AFF2: variants seen among roughly 807,000 people sequenced by gnomAD.
AFF2 encodes ALF transcription elongation factor 2.
AFF2 carries 14 observed loss-of-function variants against 76.9 expected under a neutral mutation model. The observed-to-expected ratio is 0.18, with a 90% confidence interval of 0.12 to 0.28. The LOEUF (loss-of-function observed/expected upper bound fraction) is 0.28, where lower values mean the gene tolerates loss of function less well. Ranked by LOEUF, AFF2 falls within the 10% of genes least tolerant of loss-of-function variation. The pLI is 1.00. For missense variants in AFF2, 868 were observed against 1,001.1 expected (o/e 0.87, Z 1.79); for synonymous variants, 398 against 366.7 (o/e 1.09, Z -0.98).
At chrX:148,825,686 C>T (rs978837237) in intron 4 of AFF2, among the ~76,000 whole-genome samples, 11 of 106,588 alleles carry the variant, frequency 1.0e-4, no homozygotes, top group Non-Finnish European at 1.9e-4. Flanking sequence ...AGACCCTGCC[C>T]GGTTGGTTTT....
chrX:148,962,301 T>G (rs1176963686), intron 12 of AFF2, among the ~76,000 whole-genome samples: 5 of 112,554 alleles, frequency 4.4e-5, no homozygotes, highest in Non-Finnish European at 9.4e-5. Flanking sequence ...TGCATGATTG[T>G]GCAGTTAAGT....
At chrX:148,554,308 G>A (rs2053027953) in intron 1 of AFF2, among the ~76,000 whole-genome samples, 1 of 111,877 alleles carries the variant, frequency 8.9e-6, no homozygotes, top group Non-Finnish European at 1.9e-5. Flanking sequence ...AGGTAGGCGT[G>A]GTCTGTATTC....
chrX:148,789,033 G>T (rs968471565), intron 3 of AFF2, among the ~76,000 whole-genome samples: 2 of 111,787 alleles, frequency 1.8e-5, no homozygotes, highest in Admixed American at 1.9e-4. Context: ...ATTTATTTAC[G>T]GATCTATTAA....
chrX:148,941,116 G>A (rs570231116), intron 9 of AFF2, among the ~76,000 whole-genome samples: 2 of 111,767 alleles, frequency 1.8e-5, no homozygotes, highest in African/African-American at 6.5e-5. Context: ...GTGAATTTTT[G>A]TAGAAACTGC....
At chrX:148,653,384 T>C (rs1167988879) in intron 2 of AFF2, among the ~76,000 whole-genome samples, 1 of 112,279 alleles carries the variant, frequency 8.9e-6, no homozygotes, top group Admixed American at 9.5e-5. Flanking sequence ...AATAGCATAG[T>C]CTCTGTTTTC....
At chrX:148,737,152 G>A (rs782711648) in intron 3 of AFF2, among the ~76,000 whole-genome samples, 15 of 111,179 alleles carry the variant, frequency 1.3e-4, no homozygotes, top group Non-Finnish European at 2.6e-4. Context: ...ATTCTGTGAA[G>A]CATGATGGTG....
intron 4 of AFF2, among the ~76,000 whole-genome samples, chrX:148,829,951 T>C (rs1276567958): frequency 8.9e-6 from 1 of 112,239 alleles, no homozygotes; most frequent in African/African-American, 3.2e-5. Flanking sequence ...TGAAAGACTT[T>C]CATGGATTTA....
rs564737111 is a variant in AFF2 at position 148,983,523 on chromosome X, G to A, written c.3623+2733G>A. Among the ~76,000 whole-genome samples the A allele has an allele frequency of 2.7e-5, 3 of 112,170 alleles. No individual in the cohort carries two copies. The Admixed American group carries it at 2.8e-4, about 11-fold the overall frequency. On this transcript the variant is annotated intron_variant, in intron 19 of 20. Transcript: ENST00000370460. ...AATGATGGCTGCTGCAGCTACTGTT[G>A]CCATGATTACTGTTGTAATTGTTAC...
At chrX:148,501,223 A>G in intron 1 of AFF2, 79 bp downstream of exon 1, 1 of 1,145,809 alleles carries the variant, frequency 8.7e-7, no homozygotes, top group Non-Finnish European at 1.2e-6. Context: ...TGTTAAGAGG[A>G]GCTGAAGCTG....
intron 3 of AFF2, among the ~76,000 whole-genome samples, chrX:148,788,092 G>C (rs1296321084): frequency 9.0e-6 from 1 of 111,605 alleles, no homozygotes; most frequent in Admixed American, 9.5e-5. Context: ...TGTCATTCAT[G>C]TTATCTAAAA....
intron 8 of AFF2, among the ~76,000 whole-genome samples, chrX:148,902,255 C>T (rs1285025635): frequency 1.8e-5 from 2 of 111,486 alleles, no homozygotes; most frequent in Non-Finnish European, 3.8e-5. Context: ...TGTCTCCTGC[C>T]AGTGGCAAGC....
intron 1 of AFF2, among the ~76,000 whole-genome samples, chrX:148,597,544 A>G (rs1557247483): frequency 8.9e-6 from 1 of 112,213 alleles, no homozygotes; most frequent in Non-Finnish European, 1.9e-5. Context: ...TCCCTTAATG[A>G]TTTTTTCATG....
At chrX:148,505,263 C>G (rs782497594) in intron 1 of AFF2, among the ~76,000 whole-genome samples, 27 of 111,850 alleles carry the variant, frequency 2.4e-4, no homozygotes, top group Admixed American at 1.1e-3. Context: ...ACTCCCCAAA[C>G]CCTCCAAAGA....
rs2070965192 is a variant in AFF2 at position 148,870,876 on chromosome X, TCTCACAGGGACAAGGCATC to T, written c.1263-15009_1263-14991del. Among the ~76,000 whole-genome samples, 4 of 111,871 alleles carry T rather than the reference TCTCACAGGGACAAGGCATC, an allele frequency of 3.6e-5. No individual in the cohort carries two copies. In the South Asian group the frequency reaches 1.5e-3, roughly 42 times the overall value. On this transcript the variant is annotated intron_variant, in intron 7 of 20. Coordinates refer to ENST00000370460, the MANE Select transcript of AFF2 (RefSeq NM_002025.4). The stretch of plus-strand genomic sequence containing the variant: ...CCTGCAGTTAGTGTGGCCTTCATAA[TCTCACAGGGACAAGGCATC>T]CTCCCTCCCTGGGTGTTTTCCTTTA...
Position 148,958,444 on chromosome X carries a change from TC to T in AFF2, c.2679del (p.Asn894ThrfsTer52). Reference sequence around the variant, plus strand: ...TCTCACCAGCCCCACCCCACAAGCCTCCCAACACTAGAGAGTGAGTTTGCCC... The same window carrying T: ...TCTCACCAGCCCCACCCCACAAGCCTCCAACACTAGAGAGTGAGTTTGCCC... ...CISPAPPHKPPNTRENNSSRR... is the reference protein window; with the variant it reads ...CISPAPPHKPXNTRENNSSRR... On this transcript the variant is annotated frameshift_variant, in exon 12 of 21. Coordinates refer to ENST00000370460, the MANE Select transcript of AFF2 (RefSeq NM_002025.4). LOFTEE classifies it high-confidence loss of function. 1 of 1,210,232 alleles carries T rather than the reference TC, an allele frequency of 8.3e-7. No homozygotes were observed. The highest frequency in any genetic ancestry group is 1.1e-6 in the Non-Finnish European group (1 of 894,834).
intron 1 of AFF2, among the ~76,000 whole-genome samples, chrX:148,571,634 A>G (rs1232454404): frequency 9.0e-6 from 1 of 111,357 alleles, no homozygotes; most frequent in African/African-American, 3.3e-5. Context: ...TAGACAAATA[A>G]TGCCAATTAA....
chrX:148,890,429 A>T (rs1557279619), intron 8 of AFF2, among the ~76,000 whole-genome samples: 1 of 112,116 alleles, frequency 8.9e-6, no homozygotes, highest in African/African-American at 3.2e-5. Flanking sequence ...CCTTTTAAAC[A>T]TTAACTGGCA....
At chrX:148,615,104 A>G (rs1190735850) in intron 1 of AFF2, among the ~76,000 whole-genome samples, 2 of 111,091 alleles carry the variant, frequency 1.8e-5, no homozygotes, top group African/African-American at 3.3e-5. Flanking sequence ...CAGCAAGTTT[A>G]TATGTCTTTT....
At chrX:148,753,442 T>C (rs1329110378) in intron 3 of AFF2, among the ~76,000 whole-genome samples, 1 of 111,797 alleles carries the variant, frequency 8.9e-6, no homozygotes, top group Non-Finnish European at 1.9e-5. Flanking sequence ...GTATCATAAA[T>C]GGACTTATGA....
Sources: allele counts gnomAD v4.1 joint callset (sites outside exome capture counted in the v4.1 genomes callset), GRCh38; gene constraint gnomAD v4.1.1; transcripts MANE v1.5; gene names NCBI Gene and HGNC (gene_info 2026-07-23, HGNC 2026-07-21).